FRMD5: variants seen among roughly 807,000 people sequenced by gnomAD.
FRMD5 encodes the protein FERM domain containing 5, also known as FERM domain-containing protein 5.
FRMD5 carries 20 observed loss-of-function variants against 69.0 expected under a neutral mutation model. That is an observed-to-expected ratio of 0.29 (90% CI 0.20 to 0.42). The LOEUF (loss-of-function observed/expected upper bound fraction) is 0.42, where lower values mean the gene tolerates loss of function less well. Among genes scored for constraint, FRMD5 ranks in the 10% least tolerant of loss-of-function variants. FRMD5 has a pLI of 1.00. For synonymous variants in FRMD5, 271 were observed against 260.1 expected, an observed-to-expected ratio of 1.04 and a Z score of -0.40; for missense variants, 595 against 708.6, an observed-to-expected ratio of 0.84 and a Z score of 1.82.
intron 1 of FRMD5, among the ~76,000 whole-genome samples, chr15:44,098,255 A>G (rs1210775657): frequency 2.0e-5 from 3 of 152,288 alleles, no homozygotes; most frequent in Admixed American, 2.0e-4. Flanking sequence ...GGCCGGGTGC[A>G]GTGGCTCACG....
intron 13 of FRMD5, among the ~76,000 whole-genome samples, chr15:43,877,047 G>C (rs576792997): frequency 6.6e-6 from 1 of 152,292 alleles, no homozygotes; most frequent in South Asian, 2.1e-4. Context: ...AGAGGCTTTG[G>C]GCATATAGTG....
intron 7 of FRMD5, 158 bp downstream of exon 7, chr15:43,902,017 A>G (rs1247480217): frequency 4.6e-6 from 3 of 654,390 alleles, no homozygotes; most frequent in Non-Finnish European, 8.2e-6. Flanking sequence ...CATGTGATCC[A>G]GAGGAGTTTT....
intron 1 of FRMD5, among the ~76,000 whole-genome samples, chr15:43,971,395 T>A (rs959140578): frequency 6.6e-5 from 10 of 152,216 alleles, no homozygotes; most frequent in Admixed American, 5.2e-4. Context: ...TACTATTTTT[T>A]CTTTTGTTCA....
At chr15:43,936,641 A>G (rs2140477094) in intron 1 of FRMD5, among the ~76,000 whole-genome samples, 1 of 152,010 alleles carries the variant, frequency 6.6e-6, no homozygotes, top group South Asian at 2.1e-4. Flanking sequence ...ATTCCTGGAG[A>G]TGGTATCCCT....
At chr15:44,195,323 C>A (rs1366247404), upstream of FRMD5, 3 of 494,644 alleles carry the variant, frequency 6.1e-6, no homozygotes, top group Admixed American at 1.2e-4. Context: ...GGGGCCTCAA[C>A]TGGAGGGGGC....
chr15:44,074,901 G>C (rs1197095147), intron 1 of FRMD5, among the ~76,000 whole-genome samples: 1 of 152,164 alleles, frequency 6.6e-6, no homozygotes. Context: ...TCTTAGGTCT[G>C]CATTTCAGAG....
chr15:43,874,553 T>A lies in FRMD5; in HGVS notation c.1136-91A>T, dbSNP rs2140329401. The A allele has an allele frequency of 6.7e-6, 6 of 893,778 alleles. No homozygotes were observed. In the South Asian group the frequency reaches 9.0e-5, roughly 13 times the overall value. 55.4% of individuals were successfully genotyped at this position (893,778 alleles called of 1,614,324 possible). A position where few individuals can be genotyped will look rare whatever the true frequency, so the allele number is the denominator to read the frequency against. Reference sequence around the variant, plus strand: ...CATTGTGTTTTATTGGGTACCATTCTGCACACCCACATGACCAGCAGCAGT... The same window carrying A: ...CATTGTGTTTTATTGGGTACCATTCAGCACACCCACATGACCAGCAGCAGT... On this transcript the variant is annotated intron_variant, in intron 13 of 13. Coordinates refer to ENST00000417257, the MANE Select transcript of FRMD5 (RefSeq NM_032892.5).
intron 1 of FRMD5, among the ~76,000 whole-genome samples, chr15:43,954,470 G>A (rs2090083969): frequency 6.6e-6 from 1 of 152,224 alleles, no homozygotes; most frequent in African/African-American, 2.4e-5. Context: ...ACAGGACAAA[G>A]TGAGAGCTGG....
chr15:44,150,958 G>A (rs1595526116), intron 1 of FRMD5, among the ~76,000 whole-genome samples: 2 of 152,140 alleles, frequency 1.3e-5, no homozygotes, highest in Middle Eastern at 3.4e-3. Context: ...CAAGCGTGGT[G>A]GTATGCACCT....
At chr15:43,951,734 T>C (rs936343752) in intron 1 of FRMD5, among the ~76,000 whole-genome samples, 2 of 152,186 alleles carry the variant, frequency 1.3e-5, no homozygotes, top group Non-Finnish European at 2.9e-5. Context: ...TTAGGATAGC[T>C]CTTGTTTGTT....
intron 1 of FRMD5, among the ~76,000 whole-genome samples, chr15:44,145,269 G>A (rs563171922): frequency 2.0e-5 from 3 of 152,114 alleles, no homozygotes; most frequent in Non-Finnish European, 4.4e-5. Flanking sequence ...AGTCCAAAAT[G>A]GGAATGGAAA....
chr15:44,013,681 A>G (rs1353948174), intron 1 of FRMD5, among the ~76,000 whole-genome samples: 2 of 152,042 alleles, frequency 1.3e-5, no homozygotes, highest in Non-Finnish European at 1.5e-5. Flanking sequence ...TCATTCTCTA[A>G]TTTTGGTGGT....
chr15:44,165,839 AAAAAT>A (rs2077700390), intron 1 of FRMD5, among the ~76,000 whole-genome samples: 1 of 152,202 alleles, frequency 6.6e-6, no homozygotes, highest in Non-Finnish European at 1.5e-5. Context: ...TCAAAAAAAT[AAAAAT>A]AAAATAAATC....
At chr15:43,917,913 T>C (rs1464683786) in intron 4 of FRMD5, 1 of 152,340 alleles carries the variant, frequency 6.6e-6, no homozygotes, top group Non-Finnish European at 1.5e-5. Context: ...CGCTGCCCTA[T>C]GCATCTGCAG....
At chr15:44,049,147 T>C (rs1892553521) in intron 1 of FRMD5, among the ~76,000 whole-genome samples, 1 of 152,188 alleles carries the variant, frequency 6.6e-6, no homozygotes, top group Non-Finnish European at 1.5e-5. Flanking sequence ...CCACAGATGA[T>C]ATGCAATCTT....
chr15:44,085,228 G>A (rs1056594141), intron 1 of FRMD5, among the ~76,000 whole-genome samples: 2 of 152,086 alleles, frequency 1.3e-5, no homozygotes, highest in Non-Finnish European at 2.9e-5. Flanking sequence ...TAGAGCCTAG[G>A]AATATAAAGA....
At chr15:44,050,234 C>CA (rs1248836604) in intron 1 of FRMD5, among the ~76,000 whole-genome samples, 12 of 151,284 alleles carry the variant, frequency 7.9e-5, no homozygotes, top group Admixed American at 7.9e-4. Flanking sequence ...AAGCAGTGTG[C>CA]AAAAAAAGAG....
intron 1 of FRMD5, among the ~76,000 whole-genome samples, chr15:44,059,192 T>C (rs115795892): frequency 3.3e-5 from 5 of 152,154 alleles, no homozygotes; most frequent in Non-Finnish European, 7.3e-5. Context: ...GAGAAAGCTA[T>C]GATATACAAG....
intron 1 of FRMD5, among the ~76,000 whole-genome samples, chr15:44,146,297 C>T (rs962450163): frequency 2.0e-5 from 3 of 152,088 alleles, no homozygotes; most frequent in Admixed American, 6.5e-5. Context: ...AATGGTTTCC[C>T]GCTCCATCCA....
Sources: allele counts gnomAD v4.1 joint callset (sites outside exome capture counted in the v4.1 genomes callset), GRCh38; gene constraint gnomAD v4.1.1; transcripts MANE v1.5; gene names NCBI Gene and HGNC (gene_info 2026-07-23, HGNC 2026-07-21).